NEK10: variants seen among roughly 807,000 people sequenced by gnomAD.
NEK10 encodes serine/threonine-protein kinase Nek10.
NEK10 carries 122 observed loss-of-function variants against 159.8 expected under a neutral mutation model. The observed-to-expected ratio is 0.76, with a 90% CI of 0.66 to 0.89. The LOEUF is 0.89. NEK10 is among the 40% of genes least tolerant of loss of function. The pLI, the probability that NEK10 is intolerant of heterozygous loss-of-function variation, is 0.00. For missense variants in NEK10, 1,342 were observed against 1,323.1 expected (o/e 1.01, Z -0.22); for synonymous variants, 466 against 457.1 (o/e 1.02, Z -0.25).
intron 22 of NEK10, among the ~76,000 whole-genome samples, chr3:27,267,002 A>G (rs1298087954): frequency 6.6e-6 from 1 of 152,182 alleles, no homozygotes; most frequent in Non-Finnish European, 1.5e-5. Flanking sequence ...AGCTGTTTTC[A>G]CAACACCTCC....
At chr3:27,283,862 T>C (rs2042379860) in intron 22 of NEK10, among the ~76,000 whole-genome samples, 1 of 152,164 alleles carries the variant, frequency 6.6e-6, no homozygotes, top group South Asian at 2.1e-4. Context: ...TATGGTAAAA[T>C]GGTTCAAAAC....
At chr3:27,234,624 A>G (rs560767502) in intron 23 of NEK10, among the ~76,000 whole-genome samples, 11 of 152,352 alleles carry the variant, frequency 7.2e-5, no homozygotes, top group African/African-American at 2.6e-4. Context: ...GGACACAAAC[A>G]AATGGAAAAA....
chr3:27,196,722 C>A (rs986277780), intron 25 of NEK10, among the ~76,000 whole-genome samples: 1 of 152,146 alleles, frequency 6.6e-6, no homozygotes, highest in African/African-American at 2.4e-5. Context: ...TTGTTATTTG[C>A]GCTACCTTTC....
At chr3:27,257,124 C>G (rs1956285081) in intron 22 of NEK10, among the ~76,000 whole-genome samples, 1 of 152,138 alleles carries the variant, frequency 6.6e-6, no homozygotes, top group Admixed American at 6.5e-5. Flanking sequence ...CCACGTTGGC[C>G]AGGCTGGTCT....
chr3:27,162,283 A>G (rs1171204644), intron 30 of NEK10: 8 of 1,127,794 alleles, frequency 7.1e-6, no homozygotes, highest in South Asian at 5.4e-5. Context: ...CAGTGAACAC[A>G]GAAGGCATTT....
chr3:27,156,850 T>G (rs1945487288), intron 30 of NEK10, among the ~76,000 whole-genome samples: 1 of 146,386 alleles, frequency 6.8e-6, no homozygotes, highest in African/African-American at 2.5e-5. Context: ...CCATGCATGT[T>G]TGTAGCCACA....
chr3:27,192,323 C>A (rs1288862943), intron 25 of NEK10, 81 bp from the exon 26 acceptor site: 2 of 963,006 alleles, frequency 2.1e-6, no homozygotes, highest in South Asian at 1.4e-5. Flanking sequence ...AGGTTAAACT[C>A]CACTGTGTGT....
intron 30 of NEK10, among the ~76,000 whole-genome samples, chr3:27,146,577 T>A (rs564318043): frequency 2.0e-5 from 3 of 152,224 alleles, no homozygotes; most frequent in Non-Finnish European, 4.4e-5. Context: ...CTCTTTACTA[T>A]CATAACAATG....
rs1296486388 is a variant in NEK10 at position 27,106,683 on chromosome 3, CA to C, written c.*4588del. Among the ~76,000 whole-genome samples, 12 of 152,286 alleles carry C rather than the reference CA, an allele frequency of 7.9e-5. No homozygotes were observed. In the East Asian group the frequency reaches 2.3e-3, roughly 29 times the overall value. On this transcript the variant is annotated 3_prime_UTR_variant, in exon 36 of 36. Transcript: ENST00000691995. ...GTTCCTCTTGGTTTGTTATTTCTGGCACAAACTTCTCTCTGCATGTTTTATG... is the reference window on the plus strand; with the variant it reads ...GTTCCTCTTGGTTTGTTATTTCTGGCCAAACTTCTCTCTGCATGTTTTATG...
At chr3:27,114,397 A>G (rs1363326020) in intron 35 of NEK10, among the ~76,000 whole-genome samples, 1 of 152,202 alleles carries the variant, frequency 6.6e-6, no homozygotes, top group Non-Finnish European at 1.5e-5. Context: ...TCTTTAGAAA[A>G]TGAGAATTAC....
intron 6 of NEK10, among the ~76,000 whole-genome samples, chr3:27,318,709 G>T (rs1294447134): frequency 2.0e-5 from 3 of 152,088 alleles, no homozygotes; most frequent in African/African-American, 7.2e-5. Flanking sequence ...TCCCTGAAAG[G>T]GTTTCAGAGA....
At chr3:27,238,086 A>C (rs1365831641) in intron 23 of NEK10, among the ~76,000 whole-genome samples, 1 of 152,232 alleles carries the variant, frequency 6.6e-6, no homozygotes, top group African/African-American at 2.4e-5. Context: ...ACTTTGCCAC[A>C]GATAACTTTT....
At chr3:27,301,018 T>C (rs1020645018) in intron 13 of NEK10, among the ~76,000 whole-genome samples, 1 of 152,198 alleles carries the variant, frequency 6.6e-6, no homozygotes, top group African/African-American at 2.4e-5. Flanking sequence ...AGAGTCTCCC[T>C]GTCTCCTGCT....
In NEK10 at chr3:27,111,194, G is replaced by A. The variant is rs996887042; in HGVS notation, c.*78C>T. Reference sequence around the variant, plus strand: ...CACCCTCTAGCAGCACCCAATCCTTGGGCATCTTGCAATAGCGGCTGAAGT... The same window carrying A: ...CACCCTCTAGCAGCACCCAATCCTTAGGCATCTTGCAATAGCGGCTGAAGT... On this transcript the variant is annotated 3_prime_UTR_variant, in exon 36 of 36. Coordinates refer to ENST00000691995, the MANE Select transcript of NEK10 (RefSeq NM_001394966.1). 5 of 1,363,094 alleles carry A rather than the reference G, an allele frequency of 3.7e-6. No homozygotes were observed. The highest frequency in any genetic ancestry group is 1.7e-5 in the Admixed American group (1 of 57,848). 84.4% of individuals were successfully genotyped at this position (1,363,094 alleles called of 1,614,324 possible). A position where few individuals can be genotyped will look rare whatever the true frequency, so the allele number is the denominator to read the frequency against.
intron 5 of NEK10, among the ~76,000 whole-genome samples, chr3:27,335,931 T>C (rs2046771261): frequency 6.6e-6 from 1 of 152,010 alleles, no homozygotes; most frequent in African/African-American, 2.4e-5. Flanking sequence ...TTAAACAATC[T>C]AATAATACAC....
intron 32 of NEK10, among the ~76,000 whole-genome samples, chr3:27,127,964 T>C (rs1299273889): frequency 6.6e-6 from 1 of 152,148 alleles, no homozygotes; most frequent in Non-Finnish European, 1.5e-5. Flanking sequence ...ATTTCCTGGC[T>C]GGATTTTGCT....
At chr3:27,283,430 A>G (rs532644266) in intron 22 of NEK10, among the ~76,000 whole-genome samples, 27 of 152,236 alleles carry the variant, frequency 1.8e-4, no homozygotes, top group African/African-American at 6.0e-4. Flanking sequence ...ATCTTTGTTC[A>G]GTAATATATA....
chr3:27,289,275 A>G (rs1304994472), intron 19 of NEK10, among the ~76,000 whole-genome samples: 1 of 152,206 alleles, frequency 6.6e-6, no homozygotes, highest in Non-Finnish European at 1.5e-5. Context: ...TCCTCTTTCT[A>G]AGCACCTGCA....
Position 27,116,127 on chromosome 3 carries a change from C to T in NEK10, c.3191G>A (p.Gly1064Asp). Residue 1064 changes from glycine to aspartate, a missense_variant and splice_region_variant, in exon 34 of 36, where the codon GGT becomes GAT. Transcript: ENST00000691995. ...CTCCAATTCAATGCTGGTTGGTAAA[C>T]CTAAAAAAGATAAATTATGGAAAGT... ...GNSLSPNDPT[G>D]LPTSIELEEG... The T allele has an allele frequency of 6.2e-7, 1 of 1,613,076 alleles. No individual in the cohort carries two copies. Among genetic ancestry groups the T allele is most frequent in the Non-Finnish European group, 8.5e-7 (1 of 1,179,444 alleles).
Sources: gnomAD v4.1 joint callset for allele counts (sites outside exome capture counted in the v4.1 genomes callset) on GRCh38, gnomAD v4.1.1 for gene constraint, MANE v1.5 for transcripts, NCBI Gene and HGNC (gene_info 2026-07-23, HGNC 2026-07-21) for gene names.